The following SLC9A8 variants were observed in gnomAD, a reference collection of about 807,000 sequenced individuals.
The protein encoded by SLC9A8 is solute carrier family 9 member A8, also known as sodium/hydrogen exchanger 8.
SLC9A8 carries 48 observed loss-of-function variants against 66.6 expected under a neutral mutation model. The ratio of observed to expected loss-of-function variants is 0.72; its 90% CI spans 0.57 to 0.92. The LOEUF is 0.92. SLC9A8 is among the 40% of genes least tolerant of loss of function. The pLI is 0.00. For synonymous variants in SLC9A8, 274 were observed against 282.6 expected (o/e 0.97, Z 0.31); for missense variants, 599 against 747.3 (o/e 0.80, Z 2.31).
chr20:49,813,892 G>C (rs891993239), intron 1 of SLC9A8, among the ~76,000 whole-genome samples: 1 of 152,084 alleles, frequency 6.6e-6, no homozygotes, highest in Non-Finnish European at 1.5e-5. Flanking sequence ...GGGGAAGGAC[G>C]GGCTGTGTCC....
chr20:49,886,509 C>A lies in SLC9A8; in HGVS notation c.1492-243C>A. Reference sequence around the variant, plus strand: ...AAAAGCTTAAAGACCAAGCCCCAGCCTGGCCCAGTCCTTCTGTTTTAGCTG... The same window carrying A: ...AAAAGCTTAAAGACCAAGCCCCAGCATGGCCCAGTCCTTCTGTTTTAGCTG... On this transcript the variant is annotated intron_variant, in intron 14 of 15. Coordinates refer to ENST00000361573, the MANE Select transcript of SLC9A8 (RefSeq NM_015266.3). The surrounding 1 kb of genome is among the most constrained non-coding windows in gnomAD (Gnocchi z 4.8). 2 of 437,902 alleles carry A rather than the reference C, an allele frequency of 4.6e-6. No homozygotes were observed. Among genetic ancestry groups the A allele is most frequent in the Non-Finnish European group, 8.1e-6 (2 of 247,438 alleles). The allele number at this position is 437,902 out of a possible 1,614,324, so 27.1% of individuals were successfully genotyped here.
chr20:49,883,567 G>A (rs186808311), intron 13 of SLC9A8, among the ~76,000 whole-genome samples: 2 of 152,292 alleles, frequency 1.3e-5, no homozygotes, highest in East Asian at 3.9e-4. Flanking sequence ...CGAGCATCAG[G>A]CTTGCTAAGT....
chr20:49,861,861 TC>T (rs2088753313), intron 8 of SLC9A8, among the ~76,000 whole-genome samples: 2 of 152,106 alleles, frequency 1.3e-5, no homozygotes, highest in East Asian at 3.8e-4. Flanking sequence ...GTCTCCTAAA[TC>T]CTCCCTCTCA....
intron 3 of SLC9A8, chr20:49,829,624 A>G (rs1054314662): frequency 2.3e-6 from 1 of 436,206 alleles, no homozygotes; most frequent in Non-Finnish European, 4.5e-6. Flanking sequence ...AAGCCATATC[A>G]TGCTCATAAA....
chr20:49,827,229 A>G (rs892445574), intron 3 of SLC9A8, among the ~76,000 whole-genome samples: 2 of 151,370 alleles, frequency 1.3e-5, no homozygotes, highest in African/African-American at 4.8e-5. Context: ...GGCATGAACC[A>G]CTGTGCCCGG....
intron 3 of SLC9A8, chr20:49,829,001 A>C (rs1032714593): frequency 3.1e-5 from 4 of 127,116 alleles, no homozygotes; most frequent in Non-Finnish European, 6.4e-5. Flanking sequence ...GTGTATATAT[A>C]GATTTTTTTT....
chr20:49,880,263 C>CAA (rs3067561), intron 12 of SLC9A8, among the ~76,000 whole-genome samples: 7,157 of 129,450 alleles, frequency 0.055, 309 homozygotes, highest in East Asian at 0.087. Flanking sequence ...GACTTTGTCT[C>CAA]AAAAAAAAAA....
chr20:49,867,899 G>A (rs562570057), intron 10 of SLC9A8, among the ~76,000 whole-genome samples: 2 of 152,316 alleles, frequency 1.3e-5, no homozygotes, highest in East Asian at 1.9e-4. Context: ...GTCGCTATCC[G>A]GAGTCACACT....
In SLC9A8 at chr20:49,890,054, C is replaced by G. The variant is rs924356407; in HGVS notation, c.*2118C>G. On this transcript the variant is annotated 3_prime_UTR_variant, in exon 16 of 16. Transcript: ENST00000361573. ...TGCTGTGGCGGAAGAGCATGTGGGG[C>G]TTGGTGGAGGGGCCCCAGGATTTGT... is the stretch of plus-strand genomic sequence containing the variant. 1.3e-5 allele frequency: 2 copies of G among 152,110 alleles called. No individual in the cohort carries two copies. Among genetic ancestry groups the G allele is most frequent in the Non-Finnish European group, 2.9e-5 (2 of 68,060 alleles). 9.4% of individuals were successfully genotyped at this position (152,110 alleles called of 1,614,324 possible).
Position 49,884,080 on chromosome 20 carries a change from G to C in SLC9A8, c.1491+14G>C. ...ACTGAGAAGATGGTTAGTACCATGC[G>C]CCTGTGGGGGTGGGGCAGGGGGCTG... On this transcript the variant is annotated intron_variant, in intron 14 of 15. Coordinates refer to ENST00000361573, the MANE Select transcript of SLC9A8 (RefSeq NM_015266.3). 6.2e-7 allele frequency: 1 copy of C among 1,610,306 alleles called. No homozygotes were observed. The highest frequency in any genetic ancestry group is 8.5e-7 in the Non-Finnish European group (1 of 1,177,546).
At position 49,815,204 on chromosome 20, in the gene SLC9A8, T is replaced by C. The variant is rs780047980; in HGVS notation, c.208+15T>C. 6 of 1,505,294 alleles carry C rather than the reference T, an allele frequency of 4.0e-6. No homozygotes were observed. In the East Asian group the frequency reaches 1.2e-4, roughly 31 times the overall value. 93.2% of individuals were successfully genotyped at this position (1,505,294 alleles called of 1,614,324 possible). Reference sequence around the variant, plus strand: ...CCTTGTCCTAGGTGAATATGGACACTGTCATCCCCATCATCTGCCATCCCG... The same window carrying C: ...CCTTGTCCTAGGTGAATATGGACACCGTCATCCCCATCATCTGCCATCCCG... On this transcript the variant is annotated intron_variant, in intron 2 of 15. Transcript: ENST00000361573.
intron 8 of SLC9A8, among the ~76,000 whole-genome samples, chr20:49,861,278 T>C (rs1327290516): frequency 6.6e-6 from 1 of 152,122 alleles, no homozygotes; most frequent in Non-Finnish European, 1.5e-5. Flanking sequence ...AAGGATCAGT[T>C]AGGGCCTGTA....
intron 4 of SLC9A8, among the ~76,000 whole-genome samples, chr20:49,842,319 T>C (rs756533021): frequency 1.3e-5 from 2 of 152,076 alleles, no homozygotes; most frequent in Non-Finnish European, 2.9e-5. Context: ...CCATCCACCT[T>C]GGCCTCCCAA....
intron 4 of SLC9A8, among the ~76,000 whole-genome samples, chr20:49,840,969 A>G (rs1279838954): frequency 6.6e-6 from 1 of 151,540 alleles, no homozygotes; most frequent in Non-Finnish European, 1.5e-5. Flanking sequence ...TACAAAAAAA[A>G]AAAAAGATCA....
intron 14 of SLC9A8, among the ~76,000 whole-genome samples, chr20:49,884,694 G>C (rs2089826672): frequency 6.6e-6 from 1 of 152,136 alleles, no homozygotes; most frequent in Non-Finnish European, 1.5e-5. Context: ...ACTCCCCCAA[G>C]GACAGACATG....
chr20:49,859,776 T>C (rs757691976), intron 8 of SLC9A8, among the ~76,000 whole-genome samples: 60 of 152,224 alleles, frequency 3.9e-4, no homozygotes, highest in Non-Finnish European at 8.2e-4. Context: ...GTCACTGCTG[T>C]AGAGGAAACC....
intron 9 of SLC9A8, 110 bp downstream of exon 9, chr20:49,863,177 G>A (rs2088818694): frequency 1.0e-6 from 1 of 990,452 alleles, no homozygotes; most frequent in Non-Finnish European, 1.5e-6. Flanking sequence ...TGAAGATTTT[G>A]CTTAAAGGAG....
chr20:49,859,032 C>T (rs530926009), intron 8 of SLC9A8, among the ~76,000 whole-genome samples: 2 of 152,124 alleles, frequency 1.3e-5, no homozygotes, highest in East Asian at 3.9e-4. Flanking sequence ...GTGGAGCATG[C>T]ATGTATAGTT....
intron 8 of SLC9A8, among the ~76,000 whole-genome samples, chr20:49,860,603 C>G (rs1469000608): frequency 6.6e-6 from 1 of 152,006 alleles, no homozygotes; most frequent in African/African-American, 2.4e-5. Context: ...CATCTGTAGT[C>G]CCAGCTACTT....
Sources: gnomAD v4.1 joint callset for allele counts (sites outside exome capture counted in the v4.1 genomes callset) on GRCh38, gnomAD v4.1.1 for gene constraint, Gnocchi (gnomAD v3.1) non-coding constraint, MANE v1.5 for transcripts, NCBI Gene and HGNC (gene_info 2026-07-23, HGNC 2026-07-21) for gene names.